ETV6: variants seen among roughly 807,000 people sequenced by gnomAD.
The protein encoded by ETV6 is transcription factor ETV6.
A neutral mutation model predicts 51.1 loss-of-function variants in ETV6; 16 were observed. The observed-to-expected ratio is 0.31, with a 90% CI of 0.21 to 0.48. The LOEUF (loss-of-function observed/expected upper bound fraction) is 0.48, where lower values mean the gene tolerates loss of function less well. Ranked by LOEUF, ETV6 falls within the 20% of genes least tolerant of loss-of-function variation. The pLI is 0.99. For missense variants in ETV6, 458 were observed against 594.8 expected, an observed-to-expected ratio of 0.77 and a Z score of 2.39; for synonymous variants, 240 against 224.1, an observed-to-expected ratio of 1.07 and a Z score of -0.64.
At chr12:11,888,361 A>C (rs1947231934) in intron 7 of ETV6, among the ~76,000 whole-genome samples, 1 of 149,130 alleles carries the variant, frequency 6.7e-6, no homozygotes, top group Non-Finnish European at 1.5e-5. Context: ...GGAGCCCTTA[A>C]CTACACTACA....
chr12:11,831,534 T>A (rs1327999722), intron 2 of ETV6, among the ~76,000 whole-genome samples: 1 of 152,180 alleles, frequency 6.6e-6, no homozygotes, highest in African/African-American at 2.4e-5. Context: ...CCTTAAATAG[T>A]TTTTTAAATA....
chr12:11,662,870 C>T (rs74840466), intron 1 of ETV6, among the ~76,000 whole-genome samples: 1 of 152,318 alleles, frequency 6.6e-6, no homozygotes, highest in Admixed American at 6.5e-5. Context: ...AGTGCACTCC[C>T]TTTAATCTTT....
intron 2 of ETV6, chr12:11,768,838 A>C: frequency 1.3e-5 from 6 of 444,752 alleles, no homozygotes; most frequent in Non-Finnish European, 2.7e-5. Context: ...AAATCTGCCT[A>C]CCACATTCCA....
intron 1 of ETV6, among the ~76,000 whole-genome samples, chr12:11,698,025 G>T (rs572429385): frequency 1.3e-5 from 2 of 152,074 alleles, no homozygotes; most frequent in African/African-American, 4.8e-5. Flanking sequence ...AAAACCTCTG[G>T]TTGTTCCTTG....
chr12:11,869,803 C>T lies in ETV6; in HGVS notation c.843C>T (p.Pro281=), dbSNP rs774594728. ...SPIMHPLILN[P]RHSVDFKQSR... The stretch of plus-strand genomic sequence containing the variant: ...TCATGCACCCTCTGATCCTGAACCC[C>T]CGGCACTCCGTGGATTTCAAACAGT... The change falls in exon 5 of 8, where the codon CCC becomes CCT. Residue 281 remains proline (P), a synonymous_variant. Transcript: ENST00000396373. This position sits in a 1 kb window ranked among gnomAD's most constrained non-coding sequence, Gnocchi z 5.0. 6.2e-7 allele frequency: 1 copy of T among 1,613,218 alleles called. No homozygotes were observed. Among genetic ancestry groups the T allele is most frequent in the African/African-American group, 1.3e-5 (1 of 74,942 alleles).
At chr12:11,889,194 TTTAG>T (rs1339710921) in intron 7 of ETV6, among the ~76,000 whole-genome samples, 1 of 151,940 alleles carries the variant, frequency 6.6e-6, no homozygotes, top group African/African-American at 2.4e-5. Context: ...AGGGAGAAAT[TTTAG>T]TTAGGGGATA....
At chr12:11,786,811 C>T (rs1184122406) in intron 2 of ETV6, among the ~76,000 whole-genome samples, 1 of 152,172 alleles carries the variant, frequency 6.6e-6, no homozygotes, top group Non-Finnish European at 1.5e-5. Flanking sequence ...GCAGTATGAC[C>T]TTAGAGGGAA....
chr12:11,786,270 G>A (rs1293771783), intron 2 of ETV6, among the ~76,000 whole-genome samples: 4 of 151,528 alleles, frequency 2.6e-5, no homozygotes, highest in Non-Finnish European at 5.9e-5. Flanking sequence ...TTTCATGCCT[G>A]AATCTCAGGT....
At chr12:11,885,824 G>C (rs1242430758) in intron 6 of ETV6, 102 bp from the exon 7 acceptor site, 3 of 806,284 alleles carry the variant, frequency 3.7e-6, no homozygotes, top group Non-Finnish European at 6.0e-6. Context: ...ACAGGCAGCA[G>C]CTGAAGAGCT....
chr12:11,871,621 T>A (rs899242658), intron 5 of ETV6, among the ~76,000 whole-genome samples: 3 of 152,126 alleles, frequency 2.0e-5, no homozygotes. Context: ...GAAAATAAAA[T>A]GGCAAACAAA....
intron 2 of ETV6, among the ~76,000 whole-genome samples, chr12:11,762,629 G>A (rs987335255): frequency 6.6e-6 from 1 of 152,200 alleles, no homozygotes; most frequent in Non-Finnish European, 1.5e-5. Flanking sequence ...TTGATGCTGA[G>A]CTTGAAAGTA....
intron 2 of ETV6, among the ~76,000 whole-genome samples, chr12:11,769,915 C>A (rs1945217038): frequency 6.6e-6 from 1 of 152,154 alleles, no homozygotes; most frequent in South Asian, 2.1e-4. Context: ...GTGTCTCTTA[C>A]CTGTGCCCTT....
At chr12:11,698,878 A>C (rs1330908422) in intron 1 of ETV6, among the ~76,000 whole-genome samples, 1 of 152,228 alleles carries the variant, frequency 6.6e-6, no homozygotes, top group East Asian at 1.9e-4. Flanking sequence ...GTTAGGTATT[A>C]CTACTACTAA....
chr12:11,829,352 T>C (rs1591704514), intron 2 of ETV6, among the ~76,000 whole-genome samples: 1 of 152,208 alleles, frequency 6.6e-6, no homozygotes, highest in Admixed American at 6.5e-5. Context: ...TGCTCACATT[T>C]GCCCTAAGAG....
chr12:11,804,786 A>C (rs1945804528), intron 2 of ETV6, among the ~76,000 whole-genome samples: 1 of 152,182 alleles, frequency 6.6e-6, no homozygotes, highest in Admixed American at 6.5e-5. Context: ...ATTCTTGTGC[A>C]CAGCTGGGGT....
chr12:11,719,709 G>A (rs940661599), intron 1 of ETV6, among the ~76,000 whole-genome samples: 9 of 152,212 alleles, frequency 5.9e-5, no homozygotes, highest in Non-Finnish European at 8.8e-5. Flanking sequence ...TCTGAGAAAG[G>A]CAAGTCTGTG....
At chr12:11,694,734 A>G (rs889301404) in intron 1 of ETV6, among the ~76,000 whole-genome samples, 7 of 152,142 alleles carry the variant, frequency 4.6e-5, no homozygotes, top group African/African-American at 1.7e-4. Context: ...ATTTATCCAC[A>G]TGTACTTTTG....
At chr12:11,855,372 T>A (rs185255569) in intron 4 of ETV6, among the ~76,000 whole-genome samples, 1 of 152,280 alleles carries the variant, frequency 6.6e-6, no homozygotes, top group East Asian at 1.9e-4. Context: ...GTTGAACAGC[T>A]TGAGCACTCA....
At chr12:11,650,508 A>AC (rs1305538092) in intron 1 of ETV6, among the ~76,000 whole-genome samples, 1 of 150,192 alleles carries the variant, frequency 6.7e-6, no homozygotes, top group Non-Finnish European at 1.5e-5. Context: ...AAAAACAAAA[A>AC]AAAAAAACCT....
Sources: gnomAD v4.1 joint callset for allele counts (sites outside exome capture counted in the v4.1 genomes callset) on GRCh38, gnomAD v4.1.1 for gene constraint, Gnocchi (gnomAD v3.1) non-coding constraint, MANE v1.5 for transcripts, NCBI Gene and HGNC (gene_info 2026-07-23, HGNC 2026-07-21) for gene names.